FAM171A1: variants seen among roughly 807,000 people sequenced by gnomAD.
FAM171A1 encodes family with sequence similarity 171 member A1.
In FAM171A1, 23 loss-of-function variants were observed where a neutral mutation model predicts 74.9. The observed-to-expected ratio is 0.31, with a 90% CI of 0.22 to 0.44. FAM171A1 has a LOEUF of 0.44. Ranked by LOEUF, FAM171A1 falls within the 20% of genes least tolerant of loss-of-function variation. The pLI, the probability that FAM171A1 is intolerant of heterozygous loss-of-function variation, is 1.00. For missense variants in FAM171A1, 1,162 were observed against 1,159.2 expected, an observed-to-expected ratio of 1.00 and a Z score of -0.03; for synonymous variants, 527 against 505.7, an observed-to-expected ratio of 1.04 and a Z score of -0.57.
chr10:15,306,474 CCTGA>C (rs1175838699), intron 1 of FAM171A1, among the ~76,000 whole-genome samples: 1 of 151,964 alleles, frequency 6.6e-6, no homozygotes, highest in Admixed American at 6.5e-5. Context: ...AAGCGATTCT[CCTGA>C]CTCAGTCTCT....
intron 3 of FAM171A1, among the ~76,000 whole-genome samples, chr10:15,271,920 A>C (rs1834830754): frequency 6.6e-6 from 1 of 152,226 alleles, no homozygotes; most frequent in African/African-American, 2.4e-5. Flanking sequence ...GTAACCAGCC[A>C]CTGCAAAAAC....
At chr10:15,262,657 G>T (rs887573055) in intron 3 of FAM171A1, among the ~76,000 whole-genome samples, 2 of 152,198 alleles carry the variant, frequency 1.3e-5, no homozygotes, top group Non-Finnish European at 2.9e-5. Flanking sequence ...CCAAGGTTCG[G>T]GAGAAGATTG....
At chr10:15,327,902 A>AT (rs1835575429) in intron 1 of FAM171A1, among the ~76,000 whole-genome samples, 1 of 150,802 alleles carries the variant, frequency 6.6e-6, no homozygotes, top group African/African-American at 2.4e-5. Context: ...CCATATCACA[A>AT]ACCTGTACAT....
At chr10:15,216,182 C>T (rs1297513051) in intron 6 of FAM171A1, 72 bp from the exon 7 acceptor site, 24 of 982,326 alleles carry the variant, frequency 2.4e-5, no homozygotes, top group South Asian at 5.0e-5. Flanking sequence ...TCATTGAGAA[C>T]GCAGTGTCTT....
chr10:15,359,503 G>A (rs1835968881), intron 1 of FAM171A1, among the ~76,000 whole-genome samples: 1 of 152,088 alleles, frequency 6.6e-6, no homozygotes, highest in South Asian at 2.1e-4. Flanking sequence ...GGTACCCTCT[G>A]GCCATTGGAC....
chr10:15,233,993 T>C lies in FAM171A1; in HGVS notation c.755-12933A>G, dbSNP rs148944980. On this transcript the variant is annotated intron_variant, in intron 5 of 7. Coordinates refer to ENST00000378116, the MANE Select transcript of FAM171A1 (RefSeq NM_001010924.2). ...CGTAAATGATCACACTTAGGTCTTA[T>C]GCAACCTTGGAAGGGAGATTTTACA... Among the ~76,000 whole-genome samples the C allele has an allele frequency of 2.3e-3, 344 of 152,160 alleles. 1 individual carries two copies. The highest frequency in any genetic ancestry group is 3.5e-3 in the Non-Finnish European group (240 of 67,986).
At chr10:15,215,031 G>C (rs1833950413) in intron 7 of FAM171A1, among the ~76,000 whole-genome samples, 1 of 152,018 alleles carries the variant, frequency 6.6e-6, no homozygotes, top group Non-Finnish European at 1.5e-5. Context: ...CAAAGTGCTA[G>C]GCCTCCATGC....
intron 3 of FAM171A1, among the ~76,000 whole-genome samples, chr10:15,259,446 A>T (rs1017197200): frequency 3.9e-5 from 6 of 152,184 alleles, no homozygotes; most frequent in Non-Finnish European, 8.8e-5. Flanking sequence ...ATTAACAATG[A>T]TGACAAAAAA....
intron 3 of FAM171A1, among the ~76,000 whole-genome samples, chr10:15,262,881 C>T (rs889712024): frequency 6.6e-6 from 1 of 152,148 alleles, no homozygotes; most frequent in Non-Finnish European, 1.5e-5. Flanking sequence ...GCCATGTCCT[C>T]TTCGGAAAGG....
At chr10:15,286,545 G>A (rs1432116135) in intron 1 of FAM171A1, among the ~76,000 whole-genome samples, 1 of 152,120 alleles carries the variant, frequency 6.6e-6, no homozygotes, top group Non-Finnish European at 1.5e-5. Flanking sequence ...GGCTCCCAAA[G>A]TGCTGGGATT....
intron 1 of FAM171A1, among the ~76,000 whole-genome samples, chr10:15,331,071 G>A (rs1218502623): frequency 2.0e-5 from 3 of 151,902 alleles, no homozygotes; most frequent in African/African-American, 4.8e-5. Flanking sequence ...TGTATTTTTG[G>A]TAGAAACAGG....
At chr10:15,231,511 G>A (rs769902034) in intron 5 of FAM171A1, among the ~76,000 whole-genome samples, 2 of 151,988 alleles carry the variant, frequency 1.3e-5, no homozygotes, top group Admixed American at 6.6e-5. Flanking sequence ...CCCTGAGAAC[G>A]CGGTTCTAAC....
chr10:15,212,854 C>T lies in FAM171A1; in HGVS notation c.*61G>A, dbSNP rs1833908546. 1 of 1,593,136 alleles carries T rather than the reference C, an allele frequency of 6.3e-7. No homozygotes were observed. Among genetic ancestry groups the T allele is most frequent in the African/African-American group, 1.4e-5 (1 of 74,002 alleles). ...CGTTTCCTCCACGAACGGGTACGCG[C>T]TTCCATGAGAAAGGATATTTGGCAA... On this transcript the variant is annotated 3_prime_UTR_variant, in exon 8 of 8. Coordinates refer to ENST00000378116, the MANE Select transcript of FAM171A1 (RefSeq NM_001010924.2).
Position 15,225,880 on chromosome 10 carries a change from C to T in FAM171A1, c.755-4820G>A, listed in dbSNP as rs185045496. Among the ~76,000 whole-genome samples the T allele has an allele frequency of 1.6e-4, 24 of 152,330 alleles. 1 individual carries two copies. The East Asian group carries it at 4.2e-3, about 27-fold the overall frequency. Reference sequence around the variant, plus strand: ...GCCTTGGGATGCTCCTGGGTGAGGACATCTGCCCAGAGGGCTCTCCTTCTT... The same window carrying T: ...GCCTTGGGATGCTCCTGGGTGAGGATATCTGCCCAGAGGGCTCTCCTTCTT... On this transcript the variant is annotated intron_variant, in intron 5 of 7. Coordinates refer to ENST00000378116, the MANE Select transcript of FAM171A1 (RefSeq NM_001010924.2).
At chr10:15,331,816 GGTATATATATGTGTGTATATATATGTGT>G (rs1211529494) in intron 1 of FAM171A1, among the ~76,000 whole-genome samples, 87 of 92,004 alleles carry the variant, frequency 9.5e-4, no homozygotes, top group African/African-American at 2.9e-3. Context: ...TATATATGTG[GGTATATATATGTGTGTATATATATGTGT>G]GTATATATAT....
At chr10:15,362,746 C>T (rs1836010020) in intron 1 of FAM171A1, among the ~76,000 whole-genome samples, 1 of 152,166 alleles carries the variant, frequency 6.6e-6, no homozygotes, top group Non-Finnish European at 1.5e-5. Context: ...AAAAACAAAA[C>T]ATTACCAACA....
At chr10:15,332,851 G>A (rs141046767) in intron 1 of FAM171A1, among the ~76,000 whole-genome samples, 80 of 152,218 alleles carry the variant, frequency 5.3e-4, no homozygotes, top group East Asian at 3.3e-3. Context: ...GGAAGAGCTC[G>A]GAATCCCTGG....
At chr10:15,271,823 C>G (rs1241299415) in intron 3 of FAM171A1, among the ~76,000 whole-genome samples, 2 of 152,130 alleles carry the variant, frequency 1.3e-5, no homozygotes, top group Non-Finnish European at 2.9e-5. Flanking sequence ...CCTTTACAGA[C>G]AAGCAAATGC....
chr10:15,282,918 T>C (rs1834988579), intron 2 of FAM171A1, among the ~76,000 whole-genome samples: 1 of 152,212 alleles, frequency 6.6e-6, no homozygotes, highest in Admixed American at 6.5e-5. Context: ...TAGTTAACAC[T>C]GCTGATAAGC....
Sources: gnomAD v4.1 joint callset for allele counts (sites outside exome capture counted in the v4.1 genomes callset) on GRCh38, gnomAD v4.1.1 for gene constraint, MANE v1.5 for transcripts, NCBI Gene and HGNC (gene_info 2026-07-23, HGNC 2026-07-21) for gene names.